Variants in RASGEF1C observed in about 807,000 individuals in gnomAD.
The protein encoded by RASGEF1C is RasGEF domain family member 1C.
RASGEF1C carries 27 observed loss-of-function variants against 58.1 expected under a neutral mutation model. The ratio of observed to expected loss-of-function variants is 0.46; its 90% CI spans 0.34 to 0.64. The LOEUF is 0.64. Among genes scored for constraint, RASGEF1C ranks in the 30% least tolerant of loss-of-function variants. RASGEF1C has a pLI of 0.01. For missense variants in RASGEF1C, 502 were observed against 605.1 expected (o/e 0.83, Z 1.79); for synonymous variants, 243 against 246.3 (o/e 0.99, Z 0.13).
At chr5:180,163,996 C>T (rs1378383798) in intron 1 of RASGEF1C, among the ~76,000 whole-genome samples, 2 of 152,070 alleles carry the variant, frequency 1.3e-5, no homozygotes, top group Admixed American at 1.3e-4. Context: ...TCCCTTTTGC[C>T]TCAGTTGTCA....
intron 1 of RASGEF1C, among the ~76,000 whole-genome samples, chr5:180,207,741 A>G (rs914998091): frequency 7.2e-5 from 11 of 152,072 alleles, no homozygotes; most frequent in Non-Finnish European, 1.6e-4. Flanking sequence ...CAGACCCTGT[A>G]GCGTCTCAGC....
chr5:180,205,031 A>C (rs1399520632), intron 1 of RASGEF1C, among the ~76,000 whole-genome samples: 1 of 152,136 alleles, frequency 6.6e-6, no homozygotes, highest in Non-Finnish European at 1.5e-5. Flanking sequence ...TCTACTAAAA[A>C]TACAAAAATT....
At chr5:180,104,870 T>C (rs562596730) in intron 12 of RASGEF1C, among the ~76,000 whole-genome samples, 94 of 152,318 alleles carry the variant, frequency 6.2e-4, no homozygotes, top group African/African-American at 1.4e-3. Context: ...GTGGAGTTGT[T>C]TGTCGTATTC....
At chr5:180,174,920 T>C (rs1767198192) in intron 1 of RASGEF1C, among the ~76,000 whole-genome samples, 1 of 152,182 alleles carries the variant, frequency 6.6e-6, no homozygotes, top group South Asian at 2.1e-4. Context: ...GTCCCACCCC[T>C]CTTGCAGACT....
intron 6 of RASGEF1C, among the ~76,000 whole-genome samples, chr5:180,126,947 T>C (rs1982302): frequency 0.24 from 36,432 of 151,492 alleles, 4,491 homozygotes; most frequent in South Asian, 0.33. Context: ...CCACAATGTG[T>C]CTAACCTACT....
chr5:180,137,662 G>A lies in RASGEF1C; in HGVS notation c.228C>T (p.Pro76=), dbSNP rs759700894. The A allele has an allele frequency of 6.2e-7, 1 of 1,612,760 alleles. No homozygotes were observed. Among genetic ancestry groups the A allele is most frequent in the Non-Finnish European group, 8.5e-7 (1 of 1,180,012 alleles). Residue 76 remains proline, a synonymous_variant, in exon 3 of 14, where the codon CCC becomes CCT. Transcript: ENST00000361132. The surrounding 1 kb of genome is among the most constrained non-coding windows in gnomAD (Gnocchi z 4.1). The part of the protein sequence containing the change: ...FLLSSRLFIE[P]RELLARVCHL... ...GGCAGACCCGGGCCAGGAGCTCCCG[G>A]GGCTCGATGAAGAGGCGAGAGCTCA...
At position 180,136,415 on chromosome 5, in the gene RASGEF1C, A is replaced by G. The variant is rs1353032941; in HGVS notation, c.401T>C (p.Leu134Pro). ...GGCGATGCGGCCCACGACGTCCTTA[A>G]GGTGCCCGATAGTCGACTCTTCCTG... ...DFQEESTIGH[L>P]KDVVGRIAPC... The change falls in exon 4 of 14, where the codon CTT becomes CCT. Residue 134 changes from leucine (L) to proline (P), a missense_variant. Coordinates refer to ENST00000361132, the MANE Select transcript of RASGEF1C (RefSeq NM_175062.4). 1.3e-6 allele frequency: 2 copies of G among 1,560,624 alleles called. No individual in the cohort carries two copies. Among genetic ancestry groups the G allele is most frequent in the Non-Finnish European group, 8.7e-7 (1 of 1,152,262 alleles).
chr5:180,119,972 C>A (rs1582265866), intron 7 of RASGEF1C, among the ~76,000 whole-genome samples: 1 of 152,168 alleles, frequency 6.6e-6, no homozygotes, highest in African/African-American at 2.4e-5. Flanking sequence ...CCATGTCCTT[C>A]CCCAGCCATC....
intron 1 of RASGEF1C, among the ~76,000 whole-genome samples, chr5:180,184,345 C>T (rs996343480): frequency 2.0e-5 from 3 of 152,070 alleles, no homozygotes; most frequent in South Asian, 2.1e-4. Context: ...GAGGCCGAGG[C>T]GGGTGGATCA....
chr5:180,174,594 GTGTGTGTGCACGCA>G (rs1175237343), intron 1 of RASGEF1C, among the ~76,000 whole-genome samples: 8 of 144,902 alleles, frequency 5.5e-5, no homozygotes, highest in Non-Finnish European at 9.1e-5. Context: ...GCACGTGTGT[GTGTGTGTGCACGCA>G]TGTGTGTGTC....
intron 1 of RASGEF1C, among the ~76,000 whole-genome samples, chr5:180,153,170 G>A (rs1042891015): frequency 2.6e-5 from 4 of 152,136 alleles, no homozygotes; most frequent in African/African-American, 9.7e-5. Context: ...TAAATCCCAT[G>A]GAAGCCTTTT....
chr5:180,154,284 C>T (rs1475858411), intron 1 of RASGEF1C, among the ~76,000 whole-genome samples: 1 of 152,054 alleles, frequency 6.6e-6, no homozygotes, highest in Non-Finnish European at 1.5e-5. Flanking sequence ...AGGGACAGTC[C>T]CTGTCCCCTT....
intron 4 of RASGEF1C, among the ~76,000 whole-genome samples, chr5:180,131,244 G>T (rs781100716): frequency 3.9e-5 from 6 of 152,096 alleles, no homozygotes; most frequent in Admixed American, 6.5e-5. Context: ...GAGCCCTGGC[G>T]TGACTCTGAG....
chr5:180,131,112 T>A (rs1467728111), intron 4 of RASGEF1C, among the ~76,000 whole-genome samples: 1 of 152,180 alleles, frequency 6.6e-6, no homozygotes. Flanking sequence ...GCCTTCTTAA[T>A]GCCCCCAATG....
chr5:180,151,431 G>C (rs1241051086), intron 1 of RASGEF1C, among the ~76,000 whole-genome samples: 1 of 152,214 alleles, frequency 6.6e-6, no homozygotes, highest in Non-Finnish European at 1.5e-5. Flanking sequence ...ACAACTATCT[G>C]ATCTTTGACA....
chr5:180,174,550 G>A (rs112758674), intron 1 of RASGEF1C, among the ~76,000 whole-genome samples: 131 of 57,876 alleles, frequency 2.3e-3, no homozygotes, highest in African/African-American at 9.2e-3. Context: ...GCGTGTGTGC[G>A]TGTGTCTGTG....
At chr5:180,180,509 C>A (rs1210147612) in intron 1 of RASGEF1C, among the ~76,000 whole-genome samples, 2 of 152,232 alleles carry the variant, frequency 1.3e-5, no homozygotes, top group Non-Finnish European at 2.9e-5. Flanking sequence ...TACCTCACTT[C>A]ACAGTTTGCA....
chr5:180,174,285 G>A (rs147716066), intron 1 of RASGEF1C, among the ~76,000 whole-genome samples: 3 of 152,160 alleles, frequency 2.0e-5, no homozygotes, highest in East Asian at 3.9e-4. Context: ...GGAAGAACGA[G>A]GGAAGATGAA....
intron 4 of RASGEF1C, among the ~76,000 whole-genome samples, chr5:180,131,560 C>G (rs1294812474): frequency 6.6e-6 from 1 of 152,198 alleles, no homozygotes; most frequent in Non-Finnish European, 1.5e-5. Flanking sequence ...CATCTCCTCT[C>G]CCTGGACCAC....
Sources: gnomAD v4.1 joint callset for allele counts (sites outside exome capture counted in the v4.1 genomes callset) on GRCh38, gnomAD v4.1.1 for gene constraint, Gnocchi (gnomAD v3.1) non-coding constraint, MANE v1.5 for transcripts, NCBI Gene and HGNC (gene_info 2026-07-23, HGNC 2026-07-21) for gene names.